The following EVC2 variants were observed in gnomAD, a reference collection of about 807,000 sequenced individuals.
EVC2 encodes limbin.
Under a neutral mutation model 149.3 loss-of-function variants are expected in EVC2, and 148 were observed. That is an observed-to-expected ratio of 0.99 (90% confidence interval 0.87 to 1.14). The LOEUF is 1.14. EVC2 is among the 50% of genes most tolerant of loss of function. EVC2 has a pLI of 0.00. For synonymous variants in EVC2, 776 were observed against 649.9 expected, an observed-to-expected ratio of 1.19 and a Z score of -2.95; for missense variants, 1,854 against 1,627.3, an observed-to-expected ratio of 1.14 and a Z score of -2.40.
chr4:5,643,437 C>T (rs1038393663), intron 9 of EVC2, among the ~76,000 whole-genome samples: 1 of 152,180 alleles, frequency 6.6e-6, no homozygotes, highest in Non-Finnish European at 1.5e-5. Flanking sequence ...TATTACCATT[C>T]ACCTCTAACC....
chr4:5,645,120 C>G (rs1161010159), intron 9 of EVC2, among the ~76,000 whole-genome samples: 1 of 152,160 alleles, frequency 6.6e-6, no homozygotes, highest in African/African-American at 2.4e-5. Flanking sequence ...TATATTCATA[C>G]TGTGTGCTTC....
intron 5 of EVC2, among the ~76,000 whole-genome samples, chr4:5,687,750 AGGAG>A: frequency 6.6e-6 from 1 of 152,178 alleles, no homozygotes; most frequent in Non-Finnish European, 1.5e-5. Flanking sequence ...TGGGTCTCGC[AGGAG>A]CATGGACCAT....
chr4:5,571,736 TGG>T (rs1722655835), intron 19 of EVC2, among the ~76,000 whole-genome samples: 1 of 152,220 alleles, frequency 6.6e-6, no homozygotes, highest in African/African-American at 2.4e-5. Flanking sequence ...TGTGTCCATT[TGG>T]CTGGGCCACT....
intron 1 of EVC2, among the ~76,000 whole-genome samples, 192 bp from the exon 2 acceptor site, chr4:5,697,839 A>G (rs569547332): frequency 1.3e-5 from 2 of 150,866 alleles, no homozygotes; most frequent in East Asian, 2.0e-4. Context: ...TCCACCTCCT[A>G]GGTTCACGCC....
chr4:5,596,767 C>A (rs952819989), intron 16 of EVC2, among the ~76,000 whole-genome samples: 1 of 152,032 alleles, frequency 6.6e-6, no homozygotes, highest in African/African-American at 2.4e-5. Flanking sequence ...TTCAAAAAAT[C>A]AATGAATCCA....
intron 13 of EVC2, among the ~76,000 whole-genome samples, chr4:5,623,711 C>T (rs934823166): frequency 2.6e-5 from 4 of 152,208 alleles, no homozygotes; most frequent in South Asian, 2.1e-4. Flanking sequence ...ATGTATTTGC[C>T]GAGTAGGTAA....
At position 5,595,534 on chromosome 4, in the gene EVC2, C is replaced by G. The variant is rs28865691; in HGVS notation, c.2830-10684G>C. Among the ~76,000 whole-genome samples, 6,082 of 152,112 alleles carry G rather than the reference C, an allele frequency of 0.04. 882 individuals are homozygous for G. The East Asian group carries it at 0.52, about 13-fold the overall frequency. On this transcript the variant is annotated intron_variant, in intron 16 of 21. Coordinates refer to ENST00000344408, the MANE Select transcript of EVC2 (RefSeq NM_147127.5). ...AGCAAATGCTGAGAGATTTTGTCAC[C>G]ACCAGGCCTGCCCTAAAAGAGCTCC... is the stretch of plus-strand genomic sequence containing the variant.
rs1389199278 is a variant in EVC2 at position 5,562,900 on chromosome 4, T to G, written c.3875A>C (p.Lys1292Thr). The change falls in exon 22 of 22, where the codon AAG becomes ACG. Residue 1292 changes from lysine to threonine, a missense_variant. Lys to Thr is a moderately conservative substitution (Grantham distance 78). Transcript: ENST00000344408. This position sits in a 1 kb window ranked among gnomAD's most constrained non-coding sequence, Gnocchi z 4.3. ...EISLHVPPRK[K>T]KNFLNAKKAM... Reference sequence around the variant, plus strand: ...CTTTTTGGCATTCAAAAAGTTCTTCTTTTTCCTGGGAGGAACGTGCAGTGA... The same window carrying G: ...CTTTTTGGCATTCAAAAAGTTCTTCGTTTTCCTGGGAGGAACGTGCAGTGA... The G allele has an allele frequency of 1.9e-6, 3 of 1,614,194 alleles. No homozygotes were observed. The highest frequency in any genetic ancestry group is 2.5e-6 in the Non-Finnish European group (3 of 1,180,026).
intron 7 of EVC2, among the ~76,000 whole-genome samples, chr4:5,666,530 C>A (rs1477872689): frequency 1.3e-5 from 2 of 152,076 alleles, no homozygotes; most frequent in Non-Finnish European, 2.9e-5. Context: ...TTTTCATGGC[C>A]TATCTTTTTT....
chr4:5,587,289 C>A (rs1241447277), intron 16 of EVC2, among the ~76,000 whole-genome samples: 2 of 152,228 alleles, frequency 1.3e-5, no homozygotes, highest in Admixed American at 1.3e-4. Context: ...CCCCCAAGTC[C>A]TTGGCAACTA....
chr4:5,697,755 T>A (rs1721574663), intron 1 of EVC2, 108 bp from the exon 2 acceptor site: 1 of 1,057,262 alleles, frequency 9.5e-7, no homozygotes, highest in Non-Finnish European at 1.4e-6. Flanking sequence ...ACTTTTTTTT[T>A]TTTTTTCTGA....
At chr4:5,598,383 G>A (rs1056372058) in intron 16 of EVC2, among the ~76,000 whole-genome samples, 11 of 150,430 alleles carry the variant, frequency 7.3e-5, no homozygotes, top group Non-Finnish European at 1.5e-5. Flanking sequence ...ATAGATCAAT[G>A]GAACAGAACA....
chr4:5,534,631 C>A, the EVC2 span, among the ~76,000 whole-genome samples: 2 of 152,110 alleles, frequency 1.3e-5, no homozygotes, highest in Admixed American at 6.5e-5. Flanking sequence ...CATGTTTGGG[C>A]TTCCTGTTCA....
In EVC2 at chr4:5,637,315, C is replaced by A. The variant is rs919889554; in HGVS notation, c.1470+3199G>T. ...CTCCACTGCAGGAGGGGGCAGTGTG[C>A]GCAGTGGTTGGGGGCATGCTGCTGG... is the stretch of plus-strand genomic sequence containing the variant. On this transcript the variant is annotated intron_variant, in intron 10 of 21. Transcript: ENST00000344408. This position sits in a 1 kb window ranked among gnomAD's most constrained non-coding sequence, Gnocchi z 4.4. 6.6e-6 allele frequency among the ~76,000 whole-genome samples: 1 copy of A among 152,150 alleles called. No individual in the cohort carries two copies. Among genetic ancestry groups the A allele is most frequent in the African/African-American group, 2.4e-5 (1 of 41,450 alleles).
At chr4:5,575,925 A>G (rs1352300438) in intron 18 of EVC2, among the ~76,000 whole-genome samples, 2 of 152,206 alleles carry the variant, frequency 1.3e-5, no homozygotes, top group Non-Finnish European at 2.9e-5. Flanking sequence ...TGTTTCCAAG[A>G]AGGAAAGCTG....
intron 21 of EVC2, among the ~76,000 whole-genome samples, chr4:5,554,134 C>G (rs1721789532): frequency 6.6e-6 from 1 of 152,168 alleles, no homozygotes; most frequent in Non-Finnish European, 1.5e-5. Flanking sequence ...AGTTGGTGCT[C>G]TCACTCATAG....
intron 9 of EVC2, among the ~76,000 whole-genome samples, chr4:5,646,790 CCTA>C (rs1717753445): frequency 6.6e-6 from 1 of 152,086 alleles, no homozygotes; most frequent in Non-Finnish European, 1.5e-5. Context: ...TACTCAGAAA[CCTA>C]CTAAGAGGAT....
intron 6 of EVC2, among the ~76,000 whole-genome samples, chr4:5,681,946 G>C (rs1720374855): frequency 6.6e-6 from 1 of 152,140 alleles, no homozygotes; most frequent in South Asian, 2.1e-4. Context: ...GTTAGGGCCA[G>C]GCTGTCTAAG....
rs558109985 is a variant in EVC2 at position 5,544,524 on chromosome 4, G to C, written c.3420-1312C>G. 5.1e-3 allele frequency among the ~76,000 whole-genome samples: 781 copies of C among 152,318 alleles called. 7 individuals are homozygous for C. Among genetic ancestry groups the C allele is most frequent in the Non-Finnish European group, 8.6e-3 (586 of 68,032 alleles). ...TGCAACACAATCAGTGCAGGAGTCA[G>C]AGAGCTGAGAGTGACTCCGTGGGAA... On this transcript the variant is annotated intron_variant and NMD_transcript_variant, in intron 21 of 22. Transcript: ENST00000475313.
Sources: gnomAD v4.1 joint callset for allele counts (sites outside exome capture counted in the v4.1 genomes callset) on GRCh38, gnomAD v4.1.1 for gene constraint, Gnocchi (gnomAD v3.1) non-coding constraint, MANE v1.5 for transcripts, NCBI Gene and HGNC (gene_info 2026-07-23, HGNC 2026-07-21) for gene names.